The following CNTNAP2 variants were observed in gnomAD, a reference collection of about 807,000 sequenced individuals.
CNTNAP2 encodes contactin-associated protein-like 2.
Under a neutral mutation model 155.2 loss-of-function variants are expected in CNTNAP2, and 98 were observed. That is an observed-to-expected ratio of 0.63 (90% CI 0.54 to 0.75). The LOEUF (loss-of-function observed/expected upper bound fraction) is 0.75. CNTNAP2 is among the 30% of genes least tolerant of loss of function. The probability of loss-of-function intolerance (pLI) is 0.00; values close to 1 mark genes in which losing one functional copy is unlikely to be tolerated. For synonymous variants in CNTNAP2, 651 were observed against 631.2 expected (o/e 1.03, Z -0.47); for missense variants, 1,727 against 1,688.1 (o/e 1.02, Z -0.40).
At chr7:146,882,137 C>G (rs541119269) in intron 3 of CNTNAP2, among the ~76,000 whole-genome samples, 1 of 152,168 alleles carries the variant, frequency 6.6e-6, no homozygotes, top group Non-Finnish European at 1.5e-5. Flanking sequence ...CTACAAAGGA[C>G]ACGGTTTCTT....
chr7:146,323,789 A>G (rs1440615515), intron 1 of CNTNAP2, among the ~76,000 whole-genome samples: 1 of 152,154 alleles, frequency 6.6e-6, no homozygotes, highest in Non-Finnish European at 1.5e-5. Flanking sequence ...GAAGGCTTCT[A>G]GGGAAAACTG....
intron 16 of CNTNAP2, among the ~76,000 whole-genome samples, chr7:148,139,320 T>C (rs1805015400): frequency 6.6e-6 from 1 of 152,188 alleles, no homozygotes; most frequent in African/African-American, 2.4e-5. Context: ...ACTAAAACTA[T>C]ACTAAAAGAA....
chr7:146,446,455 A>T (rs998962440), intron 1 of CNTNAP2, among the ~76,000 whole-genome samples: 1 of 152,178 alleles, frequency 6.6e-6, no homozygotes, highest in African/African-American at 2.4e-5. Context: ...ATTTGCAACC[A>T]GACTAGCACT....
intron 1 of CNTNAP2, among the ~76,000 whole-genome samples, chr7:146,582,005 G>A (rs924356238): frequency 1.3e-5 from 2 of 152,132 alleles, no homozygotes; most frequent in Non-Finnish European, 2.9e-5. Flanking sequence ...TATGGCAACA[G>A]TGAAGAACAA....
At chr7:147,175,929 T>C (rs968168381) in intron 8 of CNTNAP2, among the ~76,000 whole-genome samples, 1 of 152,186 alleles carries the variant, frequency 6.6e-6, no homozygotes, top group African/African-American at 2.4e-5. Context: ...CAGGATGACA[T>C]GATGAACAAC....
intron 1 of CNTNAP2, among the ~76,000 whole-genome samples, chr7:146,243,980 T>C (rs1182556359): frequency 6.6e-6 from 1 of 152,028 alleles, no homozygotes; most frequent in East Asian, 1.9e-4. Context: ...GTGGGAGAGA[T>C]TAAGCTGAAG....
chr7:148,061,992 T>TAAAC (rs1803159326), intron 15 of CNTNAP2, among the ~76,000 whole-genome samples: 1 of 127,572 alleles, frequency 7.8e-6, no homozygotes, highest in African/African-American at 3.6e-5. Context: ...GATAGATAGA[T>TAAAC]AGATAGATAG....
intron 2 of CNTNAP2, among the ~76,000 whole-genome samples, chr7:146,783,448 C>T (rs999698808): frequency 4.0e-5 from 6 of 151,886 alleles, no homozygotes; most frequent in African/African-American, 1.5e-4. Flanking sequence ...AAAGATAAAC[C>T]AAAATTTTGG....
At chr7:148,300,023 C>T (rs1024566869) in intron 21 of CNTNAP2, among the ~76,000 whole-genome samples, 1 of 152,130 alleles carries the variant, frequency 6.6e-6, no homozygotes, top group African/African-American at 2.4e-5. Context: ...CTTGAATTCA[C>T]CTTGAGAGAG....
chr7:146,688,478 G>A (rs1275217276), intron 1 of CNTNAP2, among the ~76,000 whole-genome samples: 2 of 152,032 alleles, frequency 1.3e-5, no homozygotes, highest in Admixed American at 1.3e-4. Context: ...TAGAATTTGG[G>A]TAGGTAGTAG....
chr7:148,075,593 T>C (rs1029322059), intron 15 of CNTNAP2, among the ~76,000 whole-genome samples: 20 of 152,200 alleles, frequency 1.3e-4, no homozygotes, highest in African/African-American at 4.3e-4. Context: ...CACTTTCAGA[T>C]ACAAGTGATA....
chr7:147,414,867 G>C lies in CNTNAP2; in HGVS notation c.1670+19087G>C, dbSNP rs899707109. 3.3e-5 allele frequency among the ~76,000 whole-genome samples: 5 copies of C among 150,586 alleles called. No homozygotes were observed. The South Asian group carries it at 6.3e-4, about 19-fold the overall frequency. ...GAGGCAGGAGAATGGCGTGAACCTT[G>C]GGGGGTGGAGCCTGCAGTGAGCCGA... On this transcript the variant is annotated intron_variant, in intron 10 of 23. Transcript: ENST00000361727.
intron 1 of CNTNAP2, among the ~76,000 whole-genome samples, chr7:146,562,685 CATTAGCTTTCATTTTTATGATAATGA>C (rs1181737308): frequency 2.0e-5 from 3 of 152,082 alleles, no homozygotes; most frequent in Admixed American, 6.6e-5. Flanking sequence ...ATTATATGGT[CATTAGCTTTCATTTTTATGATAATGA>C]AACAAAAAAT....
At chr7:147,264,872 T>C in intron 8 of CNTNAP2, among the ~76,000 whole-genome samples, 1 of 152,076 alleles carries the variant, frequency 6.6e-6, no homozygotes, top group East Asian at 2.0e-4. Context: ...CAAAAGGACA[T>C]ACTGAGGTCC....
At chr7:147,339,932 T>G (rs1012299660) in intron 9 of CNTNAP2, among the ~76,000 whole-genome samples, 1 of 152,166 alleles carries the variant, frequency 6.6e-6, no homozygotes, top group Non-Finnish European at 1.5e-5. Flanking sequence ...TTGCTGTCTC[T>G]CTCAGATAAA....
At chr7:147,892,890 A>G (rs545383665) in intron 13 of CNTNAP2, among the ~76,000 whole-genome samples, 59 of 152,306 alleles carry the variant, frequency 3.9e-4, no homozygotes, top group African/African-American at 1.3e-3. Context: ...AAGCTAATCA[A>G]CTGCATTTAT....
At chr7:146,694,540 G>A (rs1474262939) in intron 1 of CNTNAP2, among the ~76,000 whole-genome samples, 1 of 152,098 alleles carries the variant, frequency 6.6e-6, no homozygotes, top group Non-Finnish European at 1.5e-5. Flanking sequence ...GGTAGGGTAG[G>A]TCCTCTTTCT....
chr7:146,933,316 G>A (rs200010179), intron 3 of CNTNAP2, among the ~76,000 whole-genome samples: 15 of 151,918 alleles, frequency 9.9e-5, no homozygotes, highest in Non-Finnish European at 1.8e-4. Flanking sequence ...TTGACAAACC[G>A]GAGAAAAACA....
chr7:147,613,389 T>A (rs1801223463), intron 12 of CNTNAP2, among the ~76,000 whole-genome samples: 2 of 152,244 alleles, frequency 1.3e-5, no homozygotes, highest in South Asian at 4.1e-4. Context: ...ATACTAATAT[T>A]TGTTAGACAT....
Sources: allele counts gnomAD v4.1 joint callset (sites outside exome capture counted in the v4.1 genomes callset), GRCh38; gene constraint gnomAD v4.1.1; transcripts MANE v1.5; gene names NCBI Gene and HGNC (gene_info 2026-07-23, HGNC 2026-07-21).